ERMP1: variants seen among roughly 807,000 people sequenced by gnomAD.
ERMP1 encodes the protein endoplasmic reticulum metallopeptidase 1.
A neutral mutation model predicts 92.0 loss-of-function variants in ERMP1; 86 were observed. That is an observed-to-expected ratio of 0.93 (90% CI 0.79 to 1.12). ERMP1 has a LOEUF of 1.12. ERMP1 is among the 50% of genes most tolerant of loss of function. The pLI is 0.00. For missense variants in ERMP1, 1,342 were observed against 1,116.3 expected (o/e 1.20, Z -2.88); for synonymous variants, 530 against 412.8 (o/e 1.28, Z -3.44).
At chr9:5,838,831 G>A (rs919557839) in intron 6 of ERMP1, among the ~76,000 whole-genome samples, 1 of 151,962 alleles carries the variant, frequency 6.6e-6, no homozygotes, top group African/African-American at 2.4e-5. Flanking sequence ...AATGGAAATA[G>A]ATAAGAATAT....
chr9:5,827,076 G>C (rs994406642), intron 2 of ERMP1, among the ~76,000 whole-genome samples: 1 of 152,094 alleles, frequency 6.6e-6, no homozygotes, highest in African/African-American at 2.4e-5. Context: ...TTCTACCAAC[G>C]ACCTGGAACC....
intron 4 of ERMP1, among the ~76,000 whole-genome samples, chr9:5,816,911 T>G (rs1414088722): frequency 6.6e-6 from 1 of 151,620 alleles, no homozygotes; most frequent in Admixed American, 6.6e-5. Flanking sequence ...TTTTTTTTTT[T>G]TTTTGGTGAC....
Position 5,825,143 on chromosome 9 carries a change from C to G in ERMP1, c.717G>C (p.Leu239Phe). Residue 239 changes from leucine (L) to phenylalanine (F), a missense_variant, in exon 3 of 15, where the codon TTG becomes TTC. Transcript: ENST00000339450. ...TAAAGAGAAATATGACAGCATGATG[C>G]AAGGCTTCTGAAGATGTTGACAAGA... Reference protein sequence around the residue: ...LRVLSTSSEALHHAVIFLFNG... With the variant: ...LRVLSTSSEAFHHAVIFLFNG... The G allele has an allele frequency of 6.2e-7, 1 of 1,614,084 alleles. No homozygotes were observed.
chr9:5,805,704 A>G lies in ERMP1; in HGVS notation c.1630T>C (p.Tyr544His). The change falls in exon 9 of 15, where the codon TAC (tyrosine) becomes CAC (histidine). Residue 544 changes from tyrosine to histidine, a missense_variant. Tyr to His is a moderately conservative substitution (Grantham distance 83). Coordinates refer to ENST00000339450, the MANE Select transcript of ERMP1 (RefSeq NM_024896.3). ...ATAAACGCCGAGCAAAGTCCTTGGTAAGTGAGGGTAACAAGAAAACAGCAA... is the reference window on the plus strand; with the variant it reads ...ATAAACGCCGAGCAAAGTCCTTGGTGAGTGAGGGTAACAAGAAAACAGCAA... ...VHCCFLVTLT[Y>H]QGLCSAFISA... 1.2e-6 allele frequency: 2 copies of G among 1,613,748 alleles called. No homozygotes were observed. Among genetic ancestry groups the G allele is most frequent in the Non-Finnish European group, 1.7e-6 (2 of 1,179,868 alleles).
chr9:5,841,590 G>C (rs1456843634), intron 6 of ERMP1, among the ~76,000 whole-genome samples: 1 of 152,176 alleles, frequency 6.6e-6, no homozygotes, highest in Admixed American at 6.5e-5. Flanking sequence ...TTGAGGTCAG[G>C]AGATCAAGAC....
In ERMP1 at chr9:5,832,793, G is replaced by T; in HGVS notation, c.235C>A (p.Leu79Ile). Residue 79 changes from leucine (L) to isoleucine (I), a missense_variant, in exon 1 of 15, where the codon CTC becomes ATC. By Grantham distance (5) the Leu-to-Ile change is conservative (BLOSUM62 2). Coordinates refer to ENST00000339450, the MANE Select transcript of ERMP1 (RefSeq NM_024896.3). ...AGCGTCCGCAGCGCGATCAGGTAGA[G>T]CGCGAGCCCCAGCGCGGCGCGCACC... Reference protein sequence around the residue: ...SEVRAALGLALYLIALRTLVQ... With the variant: ...SEVRAALGLAIYLIALRTLVQ... 6.7e-7 allele frequency: 1 copy of T among 1,502,032 alleles called. No homozygotes were observed. The highest frequency in any genetic ancestry group is 8.8e-7 in the Non-Finnish European group (1 of 1,133,726). 93.0% of individuals were successfully genotyped at this position (1,502,032 alleles called of 1,614,324 possible). A position where few individuals can be genotyped will look rare whatever the true frequency, so the allele number is the denominator to read the frequency against.
rs1424436253 is a variant in ERMP1, at chr9:5,824,989, A to C, written c.768+103T>G. On this transcript the variant is annotated intron_variant, in intron 3 of 14. Transcript: ENST00000339450. The stretch of plus-strand genomic sequence containing the variant: ...CTGCATATTATTTTATACTACCCAC[A>C]GGAGTCATAAAAAATGCATTTACTA... 2.7e-6 allele frequency: 3 copies of C among 1,123,282 alleles called. No individual in the cohort carries two copies. In the African/African-American group the frequency reaches 4.7e-5, roughly 18 times the overall value. 69.6% of individuals were successfully genotyped at this position (1,123,282 alleles called of 1,614,324 possible).
intron 13 of ERMP1, among the ~76,000 whole-genome samples, chr9:5,796,699 C>T (rs1828436616): frequency 6.6e-6 from 1 of 152,026 alleles, no homozygotes; most frequent in East Asian, 1.9e-4. Flanking sequence ...AATAAAAAGA[C>T]CAATGGTTGC....
intron 10 of ERMP1, 46 bp downstream of exon 10, chr9:5,804,981 T>A: frequency 7.0e-7 from 1 of 1,426,088 alleles, no homozygotes; most frequent in Admixed American, 2.0e-5. Context: ...TAAATTCATA[T>A]TCATATAAAA....
intron 2 of ERMP1, 40 bp from the exon 3 acceptor site, chr9:5,825,259 A>G: frequency 6.3e-7 from 1 of 1,590,158 alleles, no homozygotes; most frequent in Non-Finnish European, 8.6e-7. Context: ...CAGATTTTAA[A>G]ATGTTTACAA....
intron 8 of ERMP1, among the ~76,000 whole-genome samples, chr9:5,807,230 A>G (rs1226062253): frequency 6.6e-6 from 1 of 152,132 alleles, no homozygotes; most frequent in East Asian, 1.9e-4. Flanking sequence ...AAAATCACAA[A>G]TTCTCTCACT....
intron 11 of ERMP1, 103 bp downstream of exon 11, chr9:5,801,073 G>A (rs1218913437): frequency 1.3e-5 from 16 of 1,248,536 alleles, no homozygotes; most frequent in Non-Finnish European, 1.8e-5. Flanking sequence ...GACTAAATAG[G>A]TCAACAGCAG....
intron 4 of ERMP1, among the ~76,000 whole-genome samples, chr9:5,822,052 G>C (rs952746950): frequency 1.3e-5 from 2 of 152,072 alleles, no homozygotes; most frequent in African/African-American, 4.8e-5. Flanking sequence ...TCAGGAGTTT[G>C]AGACCAGCCT....
At chr9:5,834,397 T>C (rs1199791247), upstream of ERMP1, among the ~76,000 whole-genome samples, 1 of 152,216 alleles carries the variant, frequency 6.6e-6, no homozygotes, top group African/African-American at 2.4e-5. Flanking sequence ...CATAACTTCC[T>C]CATTAGACTG....
Position 5,811,988 on chromosome 9 carries a change from T to TC in ERMP1, c.1114+136dup, listed in dbSNP as rs1829114701. On this transcript the variant is annotated intron_variant, in intron 6 of 14. Coordinates refer to ENST00000339450, the MANE Select transcript of ERMP1 (RefSeq NM_024896.3). ...AGACTAAAATTCAAGATCTCATCTC[T>TC]CCAACTCCAAAGCCCTAGCTCATTC... is the stretch of plus-strand genomic sequence containing the variant. The TC allele has an allele frequency of 3.5e-6, 2 of 566,536 alleles. 1 individual carries two copies. The highest frequency in any genetic ancestry group is 6.3e-6 in the Non-Finnish European group (2 of 319,742). The allele number at this position is 566,536 out of a possible 1,614,324, so 35.1% of individuals were successfully genotyped here. A position where few individuals can be genotyped will look rare whatever the true frequency, so the allele number is the denominator to read the frequency against.
At chr9:5,844,257 T>A (rs191590308) in intron 6 of ERMP1, among the ~76,000 whole-genome samples, 1 of 151,890 alleles carries the variant, frequency 6.6e-6, no homozygotes, top group Non-Finnish European at 1.5e-5. Context: ...GCAGAGAAGA[T>A]TTTGTGTTTT....
intron 11 of ERMP1, among the ~76,000 whole-genome samples, chr9:5,800,000 C>T (rs1389930588): frequency 6.6e-6 from 1 of 152,124 alleles, no homozygotes; most frequent in Non-Finnish European, 1.5e-5. Flanking sequence ...TTTTCAAAAC[C>T]TCCTAAGTGT....
chr9:5,863,500 C>T (rs1830562950), intron 5 of ERMP1, among the ~76,000 whole-genome samples: 1 of 152,146 alleles, frequency 6.6e-6, no homozygotes, highest in South Asian at 2.1e-4. Flanking sequence ...CCAGTGGTGA[C>T]AATAATGAGG....
intron 5 of ERMP1, among the ~76,000 whole-genome samples, chr9:5,860,691 C>T (rs1830460632): frequency 1.3e-5 from 2 of 151,334 alleles, no homozygotes; most frequent in South Asian, 2.1e-4. Flanking sequence ...TCAAGCAATC[C>T]TCCTGCCTCA....
Sources: allele counts gnomAD v4.1 joint callset (sites outside exome capture counted in the v4.1 genomes callset), GRCh38; gene constraint gnomAD v4.1.1; transcripts MANE v1.5; gene names NCBI Gene and HGNC (gene_info 2026-07-23, HGNC 2026-07-21).